The following LRP6 variants were observed in gnomAD, a reference collection of about 807,000 sequenced individuals.
The protein encoded by LRP6 is LDL receptor related protein 6, also known as low-density lipoprotein receptor-related protein 6.
In LRP6, 43 loss-of-function variants were observed where a neutral mutation model predicts 184.1. The ratio of observed to expected loss-of-function variants is 0.23; its 90% CI spans 0.18 to 0.30. The LOEUF (loss-of-function observed/expected upper bound fraction) is 0.30, where lower values mean the gene tolerates loss of function less well. Ranked by LOEUF, LRP6 falls within the 10% of genes least tolerant of loss-of-function variation. LRP6 has a pLI of 1.00. For synonymous variants in LRP6, 719 were observed against 684.9 expected (o/e 1.05, Z -0.78); for missense variants, 1,571 against 2,005.3 (o/e 0.78, Z 4.14).
chr12:12,150,733 T>TACACACAC, intron 13 of LRP6, 103 bp downstream of exon 13: 2 of 1,225,506 alleles, frequency 1.6e-6, no homozygotes, highest in Non-Finnish European at 2.4e-6. Context: ...CATACACACA[T>TACACACAC]ACACACACAC....
chr12:12,227,479 C>G (rs571290822), intron 2 of LRP6, among the ~76,000 whole-genome samples: 2 of 151,660 alleles, frequency 1.3e-5, no homozygotes, highest in African/African-American at 4.9e-5. Context: ...GCAATCTCGC[C>G]TCACTGCAAC....
At chr12:12,145,217 G>A (rs1397504703) in intron 15 of LRP6, among the ~76,000 whole-genome samples, 3 of 151,712 alleles carry the variant, frequency 2.0e-5, no homozygotes, top group Admixed American at 6.6e-5. Context: ...ATCAGATGAG[G>A]GAAAGAATAT....
intron 1 of LRP6, among the ~76,000 whole-genome samples, chr12:12,249,720 G>C (rs1325001509): frequency 1.9e-5 from 2 of 103,346 alleles, no homozygotes; most frequent in Admixed American, 1.0e-4. Flanking sequence ...AGGAAGGAAG[G>C]AAGGAAGGAA....
intron 2 of LRP6, among the ~76,000 whole-genome samples, chr12:12,242,731 T>C (rs1271460522): frequency 6.6e-6 from 1 of 152,236 alleles, no homozygotes; most frequent in Non-Finnish European, 1.5e-5. Flanking sequence ...GAGCACCATC[T>C]TGCTTCAACA....
chr12:12,225,857 GAA>G (rs1002653156), intron 2 of LRP6, among the ~76,000 whole-genome samples: 4 of 147,928 alleles, frequency 2.7e-5, no homozygotes, highest in African/African-American at 1.0e-4. Flanking sequence ...AGGCGACAGA[GAA>G]AGACTGTGTC....
At chr12:12,214,357 T>C (rs1339995947) in intron 2 of LRP6, among the ~76,000 whole-genome samples, 9 of 152,202 alleles carry the variant, frequency 5.9e-5, no homozygotes, top group Admixed American at 2.0e-4. Flanking sequence ...AACACCCCCT[T>C]ACCAGTAAAG....
At chr12:12,227,946 G>C (rs1023281429) in intron 2 of LRP6, among the ~76,000 whole-genome samples, 1 of 152,214 alleles carries the variant, frequency 6.6e-6, no homozygotes, top group Non-Finnish European at 1.5e-5. Context: ...AGCCCTTTCT[G>C]CTTCAGTTTG....
At chr12:12,246,905 A>G (rs527570359) in intron 1 of LRP6, among the ~76,000 whole-genome samples, 11 of 152,360 alleles carry the variant, frequency 7.2e-5, no homozygotes, top group South Asian at 2.1e-4. Context: ...ATTTTCATCT[A>G]TAAGTACAAC....
At chr12:12,130,197 T>A (rs1949729244) in intron 19 of LRP6, among the ~76,000 whole-genome samples, 1 of 151,680 alleles carries the variant, frequency 6.6e-6, no homozygotes, top group South Asian at 2.1e-4. Flanking sequence ...TTCTTTTTTT[T>A]TTTTTTTGAG....
At chr12:12,230,245 C>G (rs1270906788) in intron 2 of LRP6, among the ~76,000 whole-genome samples, 1 of 152,158 alleles carries the variant, frequency 6.6e-6, no homozygotes, top group Non-Finnish European at 1.5e-5. Context: ...ACTAGACACA[C>G]AAGCCATTTT....
rs1422822587 is a variant in LRP6, at chr12:12,117,395, CATTT to C, written c.*3727_*3730del. On this transcript the variant is annotated 3_prime_UTR_variant, in exon 23 of 23. Coordinates refer to ENST00000261349, the MANE Select transcript of LRP6 (RefSeq NM_002336.3). Reference sequence around the variant, plus strand: ...GCCATATGTAGACTTAAGCACCACACATTTATTAAGAGCTGACATATTTCGGATG... The same window carrying C: ...GCCATATGTAGACTTAAGCACCACACATTAAGAGCTGACATATTTCGGATG... 6.6e-6 allele frequency: 1 copy of C among 152,168 alleles called. No homozygotes were observed. The highest frequency in any genetic ancestry group is 2.4e-5 in the African/African-American group (1 of 41,448). 9.4% of individuals were successfully genotyped at this position (152,168 alleles called of 1,614,324 possible). A position where few individuals can be genotyped will look rare whatever the true frequency, so the allele number is the denominator to read the frequency against.
At chr12:12,238,880 T>C (rs1242981610) in intron 2 of LRP6, among the ~76,000 whole-genome samples, 2 of 152,116 alleles carry the variant, frequency 1.3e-5, no homozygotes, top group African/African-American at 2.4e-5. Flanking sequence ...TAAAAGGTCC[T>C]TTAAACAAAG....
At chr12:12,223,532 T>A (rs1443895160) in intron 2 of LRP6, among the ~76,000 whole-genome samples, 6 of 152,206 alleles carry the variant, frequency 3.9e-5, no homozygotes, top group Non-Finnish European at 1.5e-5. Flanking sequence ...CATTCAACAA[T>A]ATGACTGGTA....
At position 12,149,053 on chromosome 12, in the gene LRP6, C is replaced by G. The variant is rs1565563080; in HGVS notation, c.3095G>C (p.Cys1032Ser). 1 of 1,613,918 alleles carries G rather than the reference C, an allele frequency of 6.2e-7. No homozygotes were observed. Among genetic ancestry groups the G allele is most frequent in the Non-Finnish European group, 8.5e-7 (1 of 1,179,972 alleles). The change falls in exon 14 of 23, where the codon TGT becomes TCT. Residue 1032 changes from cysteine to serine, a missense_variant. Coordinates refer to ENST00000261349, the MANE Select transcript of LRP6 (RefSeq NM_002336.3). ...DIYSRYIYWT[C>S]EATNVINVTR... is the part of the protein sequence containing the mutation. ...CACATTAATGACATTGGTAGCCTCA[C>G]AAGTCCAGTAGATGTAGCGGCTGTA...
rs762007224 is a variant in LRP6, at chr12:12,203,417, T to C, written c.450-17A>G. ...TACATGAACCTAAAAATCATAAAAATAATTAAAGCCATGACAGAGCAGATA... is the reference window on the plus strand; with the variant it reads ...TACATGAACCTAAAAATCATAAAAACAATTAAAGCCATGACAGAGCAGATA... On this transcript the variant is annotated splice_polypyrimidine_tract_variant and intron_variant, in intron 2 of 22. Transcript: ENST00000261349. 1.3e-6 allele frequency: 2 copies of C among 1,585,130 alleles called. No homozygotes were observed. Among genetic ancestry groups the C allele is most frequent in the Non-Finnish European group, 1.7e-6 (2 of 1,153,652 alleles).
intron 2 of LRP6, among the ~76,000 whole-genome samples, chr12:12,206,646 T>A (rs1303525971): frequency 4.6e-5 from 7 of 151,300 alleles, no homozygotes; most frequent in Non-Finnish European, 7.4e-5. Context: ...CGGTGACTCA[T>A]GCTGTAATCC....
chr12:12,148,455 T>G (rs2136913501), intron 14 of LRP6, among the ~76,000 whole-genome samples: 1 of 152,332 alleles, frequency 6.6e-6, no homozygotes. Context: ...GAGTATTTAT[T>G]AAATGCAAAG....
chr12:12,266,420 T>C (rs1247056356), intron 1 of LRP6, among the ~76,000 whole-genome samples: 1 of 151,276 alleles, frequency 6.6e-6, no homozygotes, highest in East Asian at 1.9e-4. Context: ...GTGCCAAGGG[T>C]TCCCTAAGAC....
chr12:12,164,145 A>G, intron 9 of LRP6, 128 bp downstream of exon 9: 1 of 824,576 alleles, frequency 1.2e-6, no homozygotes, highest in Non-Finnish European at 1.9e-6. Context: ...AAAAAAAAAA[A>G]CTTGAGGGTT....
Sources: allele counts gnomAD v4.1 joint callset (sites outside exome capture counted in the v4.1 genomes callset), GRCh38; gene constraint gnomAD v4.1.1; transcripts MANE v1.5; gene names NCBI Gene and HGNC (gene_info 2026-07-23, HGNC 2026-07-21).